The following GSAP variants were observed in gnomAD, a reference collection of about 807,000 sequenced individuals.
The protein encoded by GSAP is gamma-secretase activating protein.
GSAP carries 118 observed loss-of-function variants against 131.7 expected under a neutral mutation model. The ratio of observed to expected loss-of-function variants is 0.90; its 90% CI spans 0.77 to 1.04. GSAP has a LOEUF of 1.04. Ranked by LOEUF, GSAP falls within the 50% of genes least tolerant of loss-of-function variation. GSAP has a pLI of 0.00. For synonymous variants in GSAP, 381 were observed against 363.4 expected (o/e 1.05, Z -0.55); for missense variants, 1,019 against 1,013.2 (o/e 1.01, Z -0.08).
chr7:77,353,089 T>C (rs965367384), intron 17 of GSAP, 63 bp from the exon 18 acceptor site: 10 of 879,830 alleles, frequency 1.1e-5, no homozygotes, highest in Admixed American at 1.1e-4. Context: ...GATGACAGCA[T>C]TGTAATGCAA....
rs1584012092 is a variant in GSAP at position 77,416,269 on chromosome 7, C to G, written c.53G>C (p.Trp18Ser). The G allele has an allele frequency of 1.3e-6, 2 of 1,496,720 alleles. No homozygotes were observed. The highest frequency in any genetic ancestry group is 1.5e-5 in the African/African-American group (1 of 68,608). The allele number at this position is 1,496,720 out of a possible 1,614,324, so 92.7% of individuals were successfully genotyped here. Reference sequence around the variant, plus strand: ...CGACACTGCCCGCTGCGCCCGCAACCACGGGAGCACGTCCTTCCCGAGGTC... The same window carrying G: ...CGACACTGCCCGCTGCGCCCGCAACGACGGGAGCACGTCCTTCCCGAGGTC... ...DFDLGKDVLP[W>S]LRAQRAVSEA... Residue 18 changes from tryptophan to serine, a missense_variant, in exon 1 of 31, where the codon TGG becomes TCG. Physicochemically the swap from Trp to Ser is radical, Grantham distance 177. Coordinates refer to ENST00000257626, the MANE Select transcript of GSAP (RefSeq NM_017439.4).
Position 77,323,724 on chromosome 7 carries a change from CTT to C in GSAP, c.1844_1845del (p.Lys615ArgfsTer16). 2.5e-6 allele frequency: 4 copies of C among 1,590,412 alleles called. No homozygotes were observed. The highest frequency in any genetic ancestry group is 3.4e-6 in the Non-Finnish European group (4 of 1,160,330). On this transcript the variant is annotated frameshift_variant, in exon 24 of 31. Transcript: ENST00000257626. LOFTEE classifies it high-confidence loss of function. ...LLMGLMVSELKDHFLRHLQGV... is the reference protein window; with the variant it reads ...LLMGLMVSELXDHFLRHLQGV... ...CCCTGTAGGTGTCTCAAAAAATGGTCTTTTAGCTCAGACACCATCTGAAAACA... is the reference window on the plus strand; with the variant it reads ...CCCTGTAGGTGTCTCAAAAAATGGTCTTAGCTCAGACACCATCTGAAAACA...
chr7:77,398,661 G>T (rs965801863), intron 3 of GSAP, among the ~76,000 whole-genome samples: 9 of 152,014 alleles, frequency 5.9e-5, no homozygotes, highest in Non-Finnish European at 1.3e-4. Flanking sequence ...CTAGCTACTT[G>T]GGAGGCTGAG....
chr7:77,347,701 C>A (rs1010088715), intron 19 of GSAP, among the ~76,000 whole-genome samples: 2 of 152,012 alleles, frequency 1.3e-5, no homozygotes, highest in African/African-American at 4.8e-5. Flanking sequence ...TAAAATTTAT[C>A]TAATATCTGT....
intron 2 of GSAP, among the ~76,000 whole-genome samples, chr7:77,404,923 G>A (rs937291779): frequency 6.6e-6 from 1 of 152,250 alleles, no homozygotes; most frequent in East Asian, 1.9e-4. Flanking sequence ...AGATAATAGG[G>A]ATGACTAGGA....
intron 5 of GSAP, among the ~76,000 whole-genome samples, chr7:77,396,640 C>T (rs1800441757): frequency 6.6e-6 from 1 of 151,936 alleles, no homozygotes; most frequent in African/African-American, 2.4e-5. Flanking sequence ...TTAATCAATA[C>T]CTAACCAGAT....
intron 19 of GSAP, among the ~76,000 whole-genome samples, chr7:77,347,071 C>T (rs1584402000): frequency 6.6e-6 from 1 of 152,006 alleles, no homozygotes; most frequent in East Asian, 1.9e-4. Context: ...GGGAAGTTTC[C>T]CCATAGCTGA....
At position 77,312,194 on chromosome 7, in the gene GSAP, C is replaced by T. The variant is rs201640764; in HGVS notation, c.2280G>A (p.Gly760=). The stretch of plus-strand genomic sequence containing the variant: ...GATCCCAAAGTCTACAAATCTTCTG[C>T]CCAATAAGCTATTATGCAAATTGAA... ...SIIVRLPPLI[G]QKICRLWDHP... Residue 760 remains glycine (G), a synonymous_variant, in exon 29 of 31, where the codon GGG becomes GGA. Coordinates refer to ENST00000257626, the MANE Select transcript of GSAP (RefSeq NM_017439.4). 2.0e-5 allele frequency: 31 copies of T among 1,581,426 alleles called. No individual in the cohort carries two copies. The East Asian group carries it at 4.9e-4, about 25-fold the overall frequency.
chr7:77,323,179 G>C (rs1787895469), intron 24 of GSAP, among the ~76,000 whole-genome samples: 1 of 152,166 alleles, frequency 6.6e-6, no homozygotes, highest in African/African-American at 2.4e-5. Context: ...TCAGTAAGTG[G>C]CTACCAGGTA....
intron 10 of GSAP, among the ~76,000 whole-genome samples, chr7:77,375,549 T>C (rs1225508305): frequency 6.6e-6 from 1 of 152,128 alleles, no homozygotes; most frequent in African/African-American, 2.4e-5. Flanking sequence ...ACATTAGTCC[T>C]ACTCAAGAAG....
chr7:77,374,977 C>A, intron 11 of GSAP, 81 bp downstream of exon 11: 1 of 685,492 alleles, frequency 1.5e-6, no homozygotes, highest in Non-Finnish European at 2.5e-6. Flanking sequence ...TTTTTATCTG[C>A]ATAATATAAT....
At chr7:77,319,474 C>T (rs533254749) in intron 26 of GSAP, among the ~76,000 whole-genome samples, 26 of 152,040 alleles carry the variant, frequency 1.7e-4, no homozygotes, top group African/African-American at 5.5e-4. Flanking sequence ...GCCACTGTGG[C>T]GAACAGTATG....
At chr7:77,327,582 T>C (rs1788506658) in intron 22 of GSAP, 1 of 152,140 alleles carries the variant, frequency 6.6e-6, no homozygotes, top group Non-Finnish European at 1.5e-5. Flanking sequence ...TAGTTTCCAT[T>C]AGAATCACCC....
chr7:77,385,921 A>C (rs762371655), intron 6 of GSAP, among the ~76,000 whole-genome samples: 1 of 152,248 alleles, frequency 6.6e-6, no homozygotes, highest in Non-Finnish European at 1.5e-5. Flanking sequence ...CCTGTAACAA[A>C]ATGTGAAATT....
intron 12 of GSAP, 94 bp from the exon 13 acceptor site, chr7:77,362,754 TG>T (rs1794728325): frequency 4.2e-6 from 3 of 715,226 alleles, no homozygotes; most frequent in Non-Finnish European, 7.5e-6. Context: ...TTCCTTTAGA[TG>T]TCCTGTCTCA....
chr7:77,385,798 G>C (rs1384080515), intron 6 of GSAP, among the ~76,000 whole-genome samples: 1 of 152,208 alleles, frequency 6.6e-6, no homozygotes, highest in Non-Finnish European at 1.5e-5. Context: ...CTAACCCACT[G>C]GAATAGGGAG....
chr7:77,334,382 A>G (rs1407960220), intron 19 of GSAP, among the ~76,000 whole-genome samples: 1 of 151,836 alleles, frequency 6.6e-6, no homozygotes, highest in Non-Finnish European at 1.5e-5. Context: ...ATGAGAATAC[A>G]TGGACACAGG....
At chr7:77,394,548 TATCTC>T (rs1295156198) in intron 5 of GSAP, among the ~76,000 whole-genome samples, 8 of 152,174 alleles carry the variant, frequency 5.3e-5, no homozygotes, top group Admixed American at 5.2e-4. Context: ...GATAAGAACT[TATCTC>T]AGGGAGCAAT....
chr7:77,355,499 A>G lies in GSAP; in HGVS notation c.1120+56T>C, dbSNP rs888839668. On this transcript the variant is annotated intron_variant, in intron 15 of 30. Transcript: ENST00000257626. ...CTCCTTTCACCCAAACATAGATATT[A>G]AAGTCAAAACAAACTCAAATGGGCC... 16 of 1,517,242 alleles carry G rather than the reference A, an allele frequency of 1.1e-5. No homozygotes were observed. The South Asian group carries it at 1.3e-4, about 12-fold the overall frequency. 94.0% of individuals were successfully genotyped at this position (1,517,242 alleles called of 1,614,324 possible). A position where few individuals can be genotyped will look rare whatever the true frequency, so the allele number is the denominator to read the frequency against.
Sources: gnomAD v4.1 joint callset for allele counts (sites outside exome capture counted in the v4.1 genomes callset) on GRCh38, gnomAD v4.1.1 for gene constraint, MANE v1.5 for transcripts, NCBI Gene and HGNC (gene_info 2026-07-23, HGNC 2026-07-21) for gene names.